Variants in ACVR2A observed in about 807,000 individuals in gnomAD.
ACVR2A encodes the protein activin A receptor type 2A.
A neutral mutation model predicts 61.4 loss-of-function variants in ACVR2A; 7 were observed. The ratio of observed to expected loss-of-function variants is 0.11; its 90% CI spans 0.06 to 0.21. The LOEUF (loss-of-function observed/expected upper bound fraction) is 0.21, where lower values mean the gene tolerates loss of function less well. Ranked by LOEUF, ACVR2A falls within the 10% of genes least tolerant of loss-of-function variation. ACVR2A has a pLI of 1.00. For missense variants in ACVR2A, 322 were observed against 621.7 expected (o/e 0.52, Z 5.13); for synonymous variants, 193 against 208.3 (o/e 0.93, Z 0.63).
intron 1 of ACVR2A, among the ~76,000 whole-genome samples, chr2:147,858,673 T>C (rs1685649684): frequency 6.6e-6 from 1 of 152,196 alleles, no homozygotes; most frequent in Non-Finnish European, 1.5e-5. Context: ...TTGAATGCTT[T>C]CGAGCACTTA....
intron 4 of ACVR2A, among the ~76,000 whole-genome samples, chr2:147,913,841 A>AT (rs1227086161): frequency 2.9e-4 from 44 of 150,966 alleles, no homozygotes; most frequent in African/African-American, 1.1e-3. Context: ...AAAAAAAAAA[A>AT]AAAAAAAAAA....
chr2:147,864,141 C>T (rs1044668340), intron 1 of ACVR2A, among the ~76,000 whole-genome samples: 1 of 152,020 alleles, frequency 6.6e-6, no homozygotes, highest in African/African-American at 2.4e-5. Flanking sequence ...TTGTGGTTCC[C>T]CTCTTCACAT....
chr2:147,883,512 AG>A (rs1686360036), intron 1 of ACVR2A, among the ~76,000 whole-genome samples: 1 of 152,180 alleles, frequency 6.6e-6, no homozygotes, highest in Non-Finnish European at 1.5e-5. Context: ...CAAGTAGGAA[AG>A]AAACTACATA....
intron 4 of ACVR2A, chr2:147,900,490 G>A (rs982945934): frequency 6.6e-6 from 1 of 152,142 alleles, no homozygotes; most frequent in East Asian, 1.9e-4. Context: ...GTGTACTGAA[G>A]ACTAAACACT....
chr2:147,908,944 A>C (rs1687053664), intron 4 of ACVR2A, among the ~76,000 whole-genome samples: 1 of 152,022 alleles, frequency 6.6e-6, no homozygotes, highest in Admixed American at 6.6e-5. Flanking sequence ...ATAAACAAAA[A>C]TCTCTATTTT....
intron 9 of ACVR2A, 95 bp downstream of exon 9, chr2:147,923,206 G>A (rs1227832295): frequency 1.5e-6 from 2 of 1,346,444 alleles, no homozygotes; most frequent in Non-Finnish European, 2.0e-6. Flanking sequence ...TTAAAGTACA[G>A]TTTTTTTTTA....
At chr2:147,876,570 C>G (rs1686160314) in intron 1 of ACVR2A, among the ~76,000 whole-genome samples, 1 of 152,108 alleles carries the variant, frequency 6.6e-6, no homozygotes. Context: ...GGACATAATT[C>G]TCATCAGCCT....
At chr2:147,922,916 T>C in intron 8 of ACVR2A, 57 bp from the exon 9 acceptor site, 1 of 1,562,820 alleles carries the variant, frequency 6.4e-7, no homozygotes, top group South Asian at 1.2e-5. Context: ...TACAAAATCA[T>C]ATGTTAGTTC....
chr2:147,888,882 T>C (rs944723209), intron 1 of ACVR2A, among the ~76,000 whole-genome samples: 10 of 152,156 alleles, frequency 6.6e-5, no homozygotes, highest in African/African-American at 2.2e-4. Context: ...TTGACTTGTT[T>C]CTGAGCTCAG....
intron 1 of ACVR2A, among the ~76,000 whole-genome samples, chr2:147,849,798 T>C (rs1203375977): frequency 6.6e-6 from 1 of 152,204 alleles, no homozygotes; most frequent in Non-Finnish European, 1.5e-5. Context: ...CCCTTCTCTC[T>C]GATACTGACA....
chr2:147,880,856 C>T (rs1210524028), intron 1 of ACVR2A, among the ~76,000 whole-genome samples: 1 of 152,152 alleles, frequency 6.6e-6, no homozygotes, highest in Non-Finnish European at 1.5e-5. Context: ...TTTCTTGTAG[C>T]ATGTCACCAG....
chr2:147,923,104 T>C lies in ACVR2A; in HGVS notation c.1209T>C (p.Ala403=). The C allele has an allele frequency of 6.2e-7, 1 of 1,606,266 alleles. No individual in the cohort carries two copies. The highest frequency in any genetic ancestry group is 8.5e-7 in the Non-Finnish European group (1 of 1,177,618). Residue 403 remains alanine, a synonymous_variant, in exon 9 of 11, where the codon GCT becomes GCC. Transcript: ENST00000241416. The part of the protein sequence containing the change: ...VLWELASRCT[A]ADGPVDEYML... ...GGGAACTGGCTTCTCGCTGTACTGC[T>C]GCAGATGGTAAGGGAAAAAAATATT... is the stretch of plus-strand genomic sequence containing the variant.
At chr2:147,845,373 G>T (rs2105124064) in intron 1 of ACVR2A, among the ~76,000 whole-genome samples, 166 bp downstream of exon 1, 1 of 79,106 alleles carries the variant, frequency 1.3e-5, no homozygotes, top group Non-Finnish European at 2.5e-5. Flanking sequence ...CCCCAGGTCT[G>T]ATTGTGATCT....
Position 147,923,078 on chromosome 2 carries a change from T to C in ACVR2A, c.1183T>C (p.Trp395Arg). The change falls in exon 9 of 11, where the codon TGG becomes CGG. Residue 395 changes from tryptophan to arginine, a missense_variant. This residue lies in a region of ACVR2A where 146 missense variants were observed against 383.8 expected (regional missense o/e 0.38). Coordinates refer to ENST00000241416, the MANE Select transcript of ACVR2A (RefSeq NM_001616.5). The part of the protein sequence containing the change: ...IDMYAMGLVL[W>R]ELASRCTAAD... ...TATGTATGCCATGGGATTAGTCCTA[T>C]GGGAACTGGCTTCTCGCTGTACTGC... is the stretch of plus-strand genomic sequence containing the variant. 1 of 1,613,104 alleles carries C rather than the reference T, an allele frequency of 6.2e-7. No homozygotes were observed. The highest frequency in any genetic ancestry group is 8.5e-7 in the Non-Finnish European group (1 of 1,179,460).
At chr2:147,913,084 A>ATT (rs1687156898) in intron 4 of ACVR2A, among the ~76,000 whole-genome samples, 1 of 151,624 alleles carries the variant, frequency 6.6e-6, no homozygotes, top group Non-Finnish European at 1.5e-5. Flanking sequence ...TTTGGAAAAC[A>ATT]TTTAATGAAC....
chr2:147,870,135 G>T (rs1331083829), intron 1 of ACVR2A, among the ~76,000 whole-genome samples: 1 of 151,924 alleles, frequency 6.6e-6, no homozygotes, highest in Non-Finnish European at 1.5e-5. Flanking sequence ...GTGTGAGAAG[G>T]TCTTAATGTG....
At chr2:147,855,029 C>T (rs747994538) in intron 1 of ACVR2A, among the ~76,000 whole-genome samples, 4 of 151,882 alleles carry the variant, frequency 2.6e-5, no homozygotes, top group Admixed American at 6.6e-5. Flanking sequence ...TACAGGCATG[C>T]GCCACCATGC....
chr2:147,856,631 G>C (rs1685579684), intron 1 of ACVR2A, among the ~76,000 whole-genome samples: 1 of 152,048 alleles, frequency 6.6e-6, no homozygotes, highest in African/African-American at 2.4e-5. Context: ...AAAATTATAT[G>C]AGGAGAAATG....
intron 1 of ACVR2A, among the ~76,000 whole-genome samples, chr2:147,871,462 A>G (rs900832335): frequency 6.6e-6 from 1 of 152,168 alleles, no homozygotes; most frequent in African/African-American, 2.4e-5. Context: ...GTTTTATTCA[A>G]ATAAGAAAAT....
Sources: allele counts gnomAD v4.1 joint callset (sites outside exome capture counted in the v4.1 genomes callset), GRCh38; gene constraint gnomAD v4.1.1; regional missense constraint gnomAD v4.1.1; transcripts MANE v1.5; gene names NCBI Gene and HGNC (gene_info 2026-07-23, HGNC 2026-07-21).